Variants in FAM13A observed in about 807,000 individuals in gnomAD.
FAM13A encodes protein FAM13A.
In FAM13A, 76 loss-of-function variants were observed where a neutral mutation model predicts 129.6. The observed-to-expected ratio is 0.59, with a 90% confidence interval of 0.49 to 0.71. The LOEUF (loss-of-function observed/expected upper bound fraction) is 0.71, where lower values mean the gene tolerates loss of function less well. Among genes scored for constraint, FAM13A ranks in the 30% least tolerant of loss-of-function variants. FAM13A has a pLI of 0.00. For missense variants in FAM13A, 1,108 were observed against 1,249.3 expected (o/e 0.89, Z 1.70); for synonymous variants, 443 against 449.9 (o/e 0.98, Z 0.20).
chr4:88,839,000 T>C (rs74610824), intron 7 of FAM13A, among the ~76,000 whole-genome samples: 25,850 of 152,148 alleles, frequency 0.17, 2,453 homozygotes, highest in East Asian at 0.31. Context: ...TTTACTTGTG[T>C]TCTCTCTATA....
chr4:88,781,256 G>A lies in FAM13A; in HGVS notation c.1367C>T (p.Thr456Ile). 6.2e-7 allele frequency: 1 copy of A among 1,612,644 alleles called. No individual in the cohort carries two copies. Among genetic ancestry groups the A allele is most frequent in the Non-Finnish European group, 8.5e-7 (1 of 1,179,138 alleles). ...GCTCCTTTCTCCAGCACAACCAAAA[G>A]TATTTTTGTGTACCTTTTCGACTTC... Reference protein sequence around the residue: ...TQEVEKVHKNTFGCAGERSKP... With the variant: ...TQEVEKVHKNIFGCAGERSKP... The change falls in exon 11 of 24, where the codon ACT becomes ATT. Residue 456 changes from threonine to isoleucine, a missense_variant. Physicochemically the swap from Thr to Ile is moderately conservative, Grantham distance 89. This residue lies in a region of FAM13A where 566 missense variants were observed against 595.7 expected (regional missense o/e 0.95). Transcript: ENST00000264344.
At position 88,798,011 on chromosome 4, in the gene FAM13A, A is replaced by G. The variant is rs116417740; in HGVS notation, c.1049+7000T>C. 2.7e-3 allele frequency among the ~76,000 whole-genome samples: 409 copies of G among 152,308 alleles called. 2 individuals are homozygous for G. Among genetic ancestry groups the G allele is most frequent in the African/African-American group, 8.9e-3 (368 of 41,576 alleles). On this transcript the variant is annotated intron_variant, in intron 8 of 23. Transcript: ENST00000264344. ...TTGTGTTTAGTGGTTCTTAAGGTGG[A>G]ACAATCAATCTAGGCAGAACCAGTT... is the stretch of plus-strand genomic sequence containing the variant.
chr4:88,785,879 C>A (rs765355134), intron 10 of FAM13A, among the ~76,000 whole-genome samples: 4 of 152,082 alleles, frequency 2.6e-5, no homozygotes, highest in Non-Finnish European at 4.4e-5. Context: ...CCCCAAGATT[C>A]TCTCACTCAA....
intron 3 of FAM13A, among the ~76,000 whole-genome samples, chr4:89,007,850 C>T (rs1254672997): frequency 2.0e-5 from 3 of 152,148 alleles, no homozygotes; most frequent in African/African-American, 7.2e-5. Context: ...AAGATTAAAA[C>T]AGATTATATA....
At chr4:88,998,639 C>T (rs559994445) in intron 3 of FAM13A, among the ~76,000 whole-genome samples, 1 of 152,250 alleles carries the variant, frequency 6.6e-6, no homozygotes, top group Non-Finnish European at 1.5e-5. Context: ...ACCTATAAGG[C>T]TGCATGGGCA....
intron 1 of FAM13A, among the ~76,000 whole-genome samples, chr4:89,043,435 G>C (rs921579707): frequency 2.0e-5 from 3 of 152,058 alleles, no homozygotes. Context: ...TAGCAATAGA[G>C]GGGGGAATCT....
At chr4:88,774,548 T>G (rs910647368) in intron 11 of FAM13A, among the ~76,000 whole-genome samples, 1 of 152,148 alleles carries the variant, frequency 6.6e-6, no homozygotes, top group African/African-American at 2.4e-5. Flanking sequence ...CTGAGTTGTG[T>G]TACACTGAAA....
chr4:88,799,226 G>A (rs1193265957), intron 8 of FAM13A, among the ~76,000 whole-genome samples: 1 of 152,158 alleles, frequency 6.6e-6, no homozygotes, highest in African/African-American at 2.4e-5. Flanking sequence ...GTTCTGTGTA[G>A]GCACCTAGCA....
intron 6 of FAM13A, among the ~76,000 whole-genome samples, chr4:88,861,863 C>T (rs1739549702): frequency 6.6e-6 from 1 of 152,178 alleles, no homozygotes; most frequent in South Asian, 2.1e-4. Flanking sequence ...CTACTATTTC[C>T]ATTTTAAAGG....
At chr4:88,798,228 T>C (rs1377289) in intron 8 of FAM13A, among the ~76,000 whole-genome samples, 49,921 of 151,844 alleles carry the variant, frequency 0.33, 8,305 homozygotes, top group East Asian at 0.36. Flanking sequence ...TGGAAACAAA[T>C]TTGTGGTTTG....
At chr4:88,785,847 G>A (rs761947669) in intron 10 of FAM13A, among the ~76,000 whole-genome samples, 51 of 152,302 alleles carry the variant, frequency 3.3e-4, no homozygotes, top group Middle Eastern at 3.4e-3. Flanking sequence ...ATCATAGTGT[G>A]CCAGGTTAGG....
intron 13 of FAM13A, among the ~76,000 whole-genome samples, chr4:88,765,653 A>C (rs1368685203): frequency 6.6e-6 from 1 of 152,256 alleles, no homozygotes; most frequent in Non-Finnish European, 1.5e-5. Context: ...GTCATGGATA[A>C]TAACAAAATA....
At chr4:88,826,968 G>C (rs1173754896) in intron 7 of FAM13A, among the ~76,000 whole-genome samples, 1 of 152,080 alleles carries the variant, frequency 6.6e-6, no homozygotes, top group African/African-American at 2.4e-5. Context: ...CCTACCCTCT[G>C]GTGCTGCAGA....
intron 4 of FAM13A, among the ~76,000 whole-genome samples, chr4:88,987,870 A>C (rs1762461619): frequency 6.9e-6 from 1 of 144,836 alleles, no homozygotes; most frequent in Middle Eastern, 3.4e-3. Context: ...ATCTGAATAT[A>C]ACTTGACTTA....
At chr4:88,992,897 C>T (rs1362879483) in intron 3 of FAM13A, among the ~76,000 whole-genome samples, 1 of 148,354 alleles carries the variant, frequency 6.7e-6, no homozygotes, top group African/African-American at 2.5e-5. Context: ...GTACTGCCTA[C>T]ATAAGTCAGC....
rs148765571 is a variant in FAM13A, at chr4:88,755,229, C to T, written c.1726+3525G>A. 1.1e-3 allele frequency among the ~76,000 whole-genome samples: 162 copies of T among 152,170 alleles called. 1 individual carries two copies. Among genetic ancestry groups the T allele is most frequent in the Middle Eastern group, 3.4e-3 (1 of 294 alleles). On this transcript the variant is annotated intron_variant, in intron 14 of 23. Coordinates refer to ENST00000264344, the MANE Select transcript of FAM13A (RefSeq NM_014883.4). ...CCACCCATGGCCATTCGGTAAACTG[C>T]GCTCTGGTTTCAAAGAAGGCAAACT...
At position 88,926,073 on chromosome 4, in the gene FAM13A, G is replaced by T. The variant is rs111982431; in HGVS notation, c.759+12015C>A. ...GGGAGGAAGGGAGCCAACAAGAAAT[G>T]TCACTCTTAAGCTCCCACAGTGGTT... On this transcript the variant is annotated intron_variant, in intron 5 of 23. Transcript: ENST00000264344. Among the ~76,000 whole-genome samples, 363 of 152,270 alleles carry T rather than the reference G, an allele frequency of 2.4e-3. 1 individual carries two copies. The highest frequency in any genetic ancestry group is 8.4e-3 in the African/African-American group (350 of 41,544).
At chr4:88,816,426 T>C (rs1001824929) in intron 7 of FAM13A, among the ~76,000 whole-genome samples, 1 of 152,244 alleles carries the variant, frequency 6.6e-6, no homozygotes, top group African/African-American at 2.4e-5. Flanking sequence ...TGTTCTGATA[T>C]GCTTCCATTA....
rs1211536161 is a variant in FAM13A, at chr4:89,057,149, C to A, written c.-185G>T. The A allele has an allele frequency of 7.0e-7, 1 of 1,437,880 alleles. No homozygotes were observed. The allele number at this position is 1,437,880 out of a possible 1,614,324, so 89.1% of individuals were successfully genotyped here. ...GGAAGAGTGGTTTTGCTTCTCTTTC[C>A]GCTGAACCCACATGGCTGGAAGGAC... On this transcript the variant is annotated 5_prime_UTR_variant, in exon 1 of 24. Coordinates refer to ENST00000264344, the MANE Select transcript of FAM13A (RefSeq NM_014883.4).
Sources: allele counts gnomAD v4.1 joint callset (sites outside exome capture counted in the v4.1 genomes callset), GRCh38; gene constraint gnomAD v4.1.1; regional missense constraint gnomAD v4.1.1; transcripts MANE v1.5; gene names NCBI Gene and HGNC (gene_info 2026-07-23, HGNC 2026-07-21).